The following SMIM14 variants were observed in gnomAD, a reference collection of about 807,000 sequenced individuals.
SMIM14 encodes chromosome 4 open reading frame 34.
A neutral mutation model predicts 12.6 loss-of-function variants in SMIM14; 5 were observed. The observed-to-expected ratio is 0.40, with a 90% CI of 0.21 to 0.83. The LOEUF (loss-of-function observed/expected upper bound fraction) is 0.83, where lower values mean the gene tolerates loss of function less well. Ranked by LOEUF, SMIM14 falls within the 40% of genes least tolerant of loss-of-function variation. The pLI, the probability that SMIM14 is intolerant of heterozygous loss-of-function variation, is 0.37. For synonymous variants in SMIM14, 30 were observed against 40.1 expected, an observed-to-expected ratio of 0.75 and a Z score of 0.95; for missense variants, 86 against 119.1, an observed-to-expected ratio of 0.72 and a Z score of 1.29.
rs546353161 is a variant in SMIM14 at position 39,589,150 on chromosome 4, G to A, written c.75+15921C>T. On this transcript the variant is annotated intron_variant, in intron 2 of 4. Coordinates refer to ENST00000295958, the MANE Select transcript of SMIM14 (RefSeq NM_174921.3). The stretch of plus-strand genomic sequence containing the variant: ...CACCCAGGCTGGAGTACAATGGCGC[G>A]ATCTCTGCACACTGTAACCTCTGCC... Among the ~76,000 whole-genome samples, 13 of 152,232 alleles carry A rather than the reference G, an allele frequency of 8.5e-5. No homozygotes were observed. The South Asian group carries it at 1.2e-3, about 15-fold the overall frequency.
Position 39,553,321 on chromosome 4 carries a change from C to A in SMIM14, c.268-1163G>T, listed in dbSNP as rs1363764275. Among the ~76,000 whole-genome samples the A allele has an allele frequency of 2.0e-5, 3 of 152,104 alleles. No individual in the cohort carries two copies. The East Asian group carries it at 5.8e-4, about 29-fold the overall frequency. On this transcript the variant is annotated intron_variant, in intron 4 of 4. Transcript: ENST00000295958. ...CAAATGATCCACCTGCCTCAGCCTC[C>A]CAAAGTGCTGGGATTACAGGTGTAA...
rs200264856 is a variant in SMIM14 at position 39,556,465 on chromosome 4, C to T, written c.230G>A (p.Gly77Glu). 1.7e-4 allele frequency: 277 copies of T among 1,613,454 alleles called. No individual in the cohort carries two copies. Among genetic ancestry groups the T allele is most frequent in the Middle Eastern group, 1.6e-3 (10 of 6,062 alleles). Residue 77 changes from glycine (G) to glutamate (E), a missense_variant, in exon 4 of 5, where the codon GGA (glycine) becomes GAA (glutamate). By Grantham distance (98) the Gly-to-Glu change is moderately conservative. Coordinates refer to ENST00000295958, the MANE Select transcript of SMIM14 (RefSeq NM_174921.3). ...LFLLRPPNLR[G>E]SSLPGKPTSP... ...GGTTGGCTTTCCAGGTAGGCTGGAT[C>T]CTCTTAGATTAGGAGGTCTCAGTAA...
At chr4:39,561,657 C>A (rs999832673) in intron 3 of SMIM14, among the ~76,000 whole-genome samples, 6 of 151,796 alleles carry the variant, frequency 4.0e-5, no homozygotes, top group African/African-American at 1.5e-4. Context: ...CGGTGGCTCA[C>A]ACCTGTAGTC....
At chr4:39,596,913 C>G (rs1291600000) in intron 2 of SMIM14, among the ~76,000 whole-genome samples, 1 of 152,034 alleles carries the variant, frequency 6.6e-6, no homozygotes, top group Non-Finnish European at 1.5e-5. Flanking sequence ...GGAGCTGTGA[C>G]TATAGGTATG....
chr4:39,614,928 G>A (rs12512211), intron 1 of SMIM14, among the ~76,000 whole-genome samples: 102,894 of 151,970 alleles, frequency 0.68, 35,592 homozygotes, highest in African/African-American at 0.81. Context: ...TTCCTGGTAG[G>A]GATTGGCAGT....
At chr4:39,555,360 G>A (rs1711957132) in intron 4 of SMIM14, among the ~76,000 whole-genome samples, 1 of 151,894 alleles carries the variant, frequency 6.6e-6, no homozygotes, top group Non-Finnish European at 1.5e-5. Context: ...GGCCTCCTGA[G>A]TAGCTGAGAC....
At chr4:39,553,512 T>C (rs976617174) in intron 4 of SMIM14, among the ~76,000 whole-genome samples, 21 of 151,830 alleles carry the variant, frequency 1.4e-4, no homozygotes, top group African/African-American at 5.1e-4. Context: ...CAAGACAATA[T>C]GCAAGCTGTT....
At chr4:39,611,260 C>T (rs1362529951) in intron 1 of SMIM14, among the ~76,000 whole-genome samples, 2 of 152,206 alleles carry the variant, frequency 1.3e-5, no homozygotes, top group Non-Finnish European at 2.9e-5. Context: ...AATCCCAGCA[C>T]TTTGGGAGGC....
At position 39,583,456 on chromosome 4, in the gene SMIM14, T is replaced by A. The variant is rs28613462; in HGVS notation, c.76-10993A>T. On this transcript the variant is annotated intron_variant, in intron 2 of 4. Coordinates refer to ENST00000295958, the MANE Select transcript of SMIM14 (RefSeq NM_174921.3). ...TCAGCTTCAGGTCATTCATTCCAAA[T>A]TGGGGTTTGGAAACATAGTCACAAA... 3.2e-3 allele frequency among the ~76,000 whole-genome samples: 484 copies of A among 152,082 alleles called. 5 individuals carry two copies. The highest frequency in any genetic ancestry group is 0.011 in the African/African-American group (456 of 41,404).
At chr4:39,619,850 T>A (rs12509238) in intron 1 of SMIM14, among the ~76,000 whole-genome samples, 44 of 70,124 alleles carry the variant, frequency 6.3e-4, no homozygotes, top group Middle Eastern at 0.016. Context: ...ATATATATAT[T>A]TATATATATT....
At chr4:39,605,731 G>GT (rs1714778055) in intron 1 of SMIM14, among the ~76,000 whole-genome samples, 1 of 152,080 alleles carries the variant, frequency 6.6e-6, no homozygotes, top group East Asian at 1.9e-4. Context: ...TGAAACAATT[G>GT]TTTTTTGCTG....
chr4:39,622,790 GTGGCAGGA>G (rs1433202267), intron 1 of SMIM14, among the ~76,000 whole-genome samples: 4 of 152,190 alleles, frequency 2.6e-5, no homozygotes, highest in Non-Finnish European at 5.9e-5. Context: ...TTATCTCTGG[GTGGCAGGA>G]TTTTACTTTT....
At chr4:39,557,790 A>G (rs962307008) in intron 3 of SMIM14, among the ~76,000 whole-genome samples, 1 of 152,174 alleles carries the variant, frequency 6.6e-6, no homozygotes, top group African/African-American at 2.4e-5. Flanking sequence ...TTTGGGGGGA[A>G]AAATCTGCTT....
At chr4:39,576,184 C>T (rs1385966051) in intron 2 of SMIM14, among the ~76,000 whole-genome samples, 1 of 151,758 alleles carries the variant, frequency 6.6e-6, no homozygotes, top group African/African-American at 2.4e-5. Context: ...CGTGAGTCAC[C>T]ATGCTTGGTC....
intron 4 of SMIM14, among the ~76,000 whole-genome samples, chr4:39,555,553 T>C (rs1488753197): frequency 6.6e-6 from 1 of 152,186 alleles, no homozygotes; most frequent in Non-Finnish European, 1.5e-5. Flanking sequence ...CTCTTAAAGA[T>C]AGTCCTGAAA....
chr4:39,565,832 C>T (rs556110156), intron 3 of SMIM14, among the ~76,000 whole-genome samples: 19 of 151,882 alleles, frequency 1.3e-4, no homozygotes, highest in African/African-American at 4.3e-4. Context: ...TTATGGGGGG[C>T]GGGCCTTTCC....
intron 2 of SMIM14, among the ~76,000 whole-genome samples, chr4:39,584,793 CAAAAAAA>C (rs34970724): frequency 0.012 from 891 of 76,302 alleles, 2 homozygotes; most frequent in Non-Finnish European, 0.017. Context: ...AGGACCTTGT[CAAAAAAA>C]AAAAAAAAAA....
intron 1 of SMIM14, among the ~76,000 whole-genome samples, chr4:39,609,226 C>T (rs936755347): frequency 2.0e-5 from 3 of 152,102 alleles, no homozygotes; most frequent in African/African-American, 4.8e-5. Context: ...GCGATCCGCC[C>T]GCCTTGGCCT....
At chr4:39,631,401 A>G (rs1012105330) in intron 1 of SMIM14, among the ~76,000 whole-genome samples, 71 of 151,456 alleles carry the variant, frequency 4.7e-4, no homozygotes, top group Non-Finnish European at 6.9e-4. Context: ...GCTCATGCCT[A>G]TAATCCCAGC....
Sources: gnomAD v4.1 joint callset for allele counts (sites outside exome capture counted in the v4.1 genomes callset) on GRCh38, gnomAD v4.1.1 for gene constraint, MANE v1.5 for transcripts, NCBI Gene and HGNC (gene_info 2026-07-23, HGNC 2026-07-21) for gene names.